CTNND2: variants seen among roughly 807,000 people sequenced by gnomAD.
CTNND2 encodes catenin delta 2.
Under a neutral mutation model 144.4 loss-of-function variants are expected in CTNND2, and 22 were observed. That is an observed-to-expected ratio of 0.15 (90% CI 0.11 to 0.22). The LOEUF is 0.22. Among genes scored for constraint, CTNND2 ranks in the 10% least tolerant of loss-of-function variants. CTNND2 has a pLI of 1.00. For missense variants in CTNND2, 1,353 were observed against 1,618.8 expected (o/e 0.84, Z 2.82); for synonymous variants, 751 against 695.6 (o/e 1.08, Z -1.25).
intron 14 of CTNND2, among the ~76,000 whole-genome samples, chr5:11,109,063 T>C (rs1230719591): frequency 7.2e-5 from 11 of 152,182 alleles, no homozygotes; most frequent in South Asian, 4.1e-4. Flanking sequence ...ACGCGCCTTC[T>C]TGGCAGATGA....
chr5:11,655,630 G>A (rs1782872320), intron 2 of CTNND2, among the ~76,000 whole-genome samples: 1 of 152,046 alleles, frequency 6.6e-6, no homozygotes, highest in Non-Finnish European at 1.5e-5. Flanking sequence ...TTCAGCTCAA[G>A]GTCATGTGTT....
intron 3 of CTNND2, among the ~76,000 whole-genome samples, chr5:11,470,235 A>G (rs1397117146): frequency 6.6e-6 from 1 of 152,164 alleles, no homozygotes; most frequent in Non-Finnish European, 1.5e-5. Flanking sequence ...CAGGAGTTCG[A>G]GACCAGGCTG....
chr5:11,018,865 C>T (rs1662495131), intron 17 of CTNND2, among the ~76,000 whole-genome samples: 1 of 152,086 alleles, frequency 6.6e-6, no homozygotes, highest in African/African-American at 2.4e-5. Flanking sequence ...CGTGTGCCAC[C>T]ATGCCCAGCT....
chr5:11,344,255 G>T (rs1055850537), intron 9 of CTNND2, among the ~76,000 whole-genome samples: 1 of 152,260 alleles, frequency 6.6e-6, no homozygotes, highest in East Asian at 1.9e-4. Context: ...AGCCGGGCGC[G>T]GTGGCGGGCG....
chr5:11,442,186 CAT>C (rs895533902), intron 3 of CTNND2, among the ~76,000 whole-genome samples: 1 of 152,128 alleles, frequency 6.6e-6, no homozygotes, highest in African/African-American at 2.4e-5. Flanking sequence ...TATCTGTTAA[CAT>C]ATATTTATTT....
chr5:11,476,119 C>T (rs141489893), intron 3 of CTNND2, among the ~76,000 whole-genome samples: 118 of 151,922 alleles, frequency 7.8e-4, no homozygotes, highest in African/African-American at 2.7e-3. Context: ...TATCCGCCCA[C>T]CTCGGCATCC....
chr5:11,498,917 G>GT (rs1022363396), intron 3 of CTNND2, among the ~76,000 whole-genome samples: 40 of 151,452 alleles, frequency 2.6e-4, no homozygotes, highest in South Asian at 2.5e-3. Context: ...CTGGATGTGT[G>GT]TTTTTTTTTA....
At chr5:11,822,420 G>A (rs61761577) in intron 1 of CTNND2, among the ~76,000 whole-genome samples, 2 of 152,238 alleles carry the variant, frequency 1.3e-5, no homozygotes, top group East Asian at 3.9e-4. Context: ...GAACTTTAAT[G>A]ACTCCAGCAA....
intron 2 of CTNND2, among the ~76,000 whole-genome samples, chr5:11,674,563 TG>T: frequency 6.6e-6 from 1 of 152,316 alleles, no homozygotes; most frequent in Admixed American, 6.5e-5. Flanking sequence ...GGTTCAGTCT[TG>T]GTATTGTGCA....
intron 2 of CTNND2, among the ~76,000 whole-genome samples, chr5:11,690,856 A>G (rs1264516414): frequency 2.0e-5 from 3 of 151,580 alleles, no homozygotes; most frequent in Admixed American, 6.6e-5. Flanking sequence ...ATACTGCTGC[A>G]TGCCCTTTGG....
At chr5:11,066,493 C>A (rs1375280260) in intron 16 of CTNND2, among the ~76,000 whole-genome samples, 1 of 150,056 alleles carries the variant, frequency 6.7e-6, no homozygotes. Context: ...TCCCCAACCA[C>A]CCCCTGCACT....
At chr5:11,278,497 A>T (rs2149991645) in intron 9 of CTNND2, among the ~76,000 whole-genome samples, 1 of 152,212 alleles carries the variant, frequency 6.6e-6, no homozygotes, top group African/African-American at 2.4e-5. Context: ...GCTAGAGGGG[A>T]CAAGCACAAA....
chr5:11,210,703 T>C (rs926698308), intron 10 of CTNND2, among the ~76,000 whole-genome samples: 6 of 152,234 alleles, frequency 3.9e-5, no homozygotes, highest in Non-Finnish European at 7.3e-5. Context: ...ATAGGTAACT[T>C]AATTATTTGA....
chr5:11,279,473 C>T (rs1746893739), intron 9 of CTNND2, among the ~76,000 whole-genome samples: 1 of 152,118 alleles, frequency 6.6e-6, no homozygotes, highest in African/African-American at 2.4e-5. Context: ...ACTTCAACAG[C>T]CTCCCAATTG....
intron 9 of CTNND2, among the ~76,000 whole-genome samples, chr5:11,300,150 C>T (rs765023012): frequency 7.9e-5 from 12 of 152,046 alleles, no homozygotes; most frequent in Admixed American, 5.9e-4. Context: ...TGTGGTTAAC[C>T]CTCAGATCCC....
chr5:11,778,881 T>C (rs1184009894), intron 1 of CTNND2, among the ~76,000 whole-genome samples: 1 of 152,266 alleles, frequency 6.6e-6, no homozygotes, highest in Non-Finnish European at 1.5e-5. Flanking sequence ...GGGAATTCTC[T>C]GTACCATCTT....
intron 16 of CTNND2, among the ~76,000 whole-genome samples, chr5:11,079,386 T>C (rs1749304087): frequency 6.6e-6 from 1 of 152,200 alleles, no homozygotes; most frequent in South Asian, 2.1e-4. Flanking sequence ...CTAGTGACCC[T>C]ACAGAAATGA....
At chr5:11,549,057 A>G (rs1182891104) in intron 3 of CTNND2, among the ~76,000 whole-genome samples, 1 of 152,162 alleles carries the variant, frequency 6.6e-6, no homozygotes, top group Non-Finnish European at 1.5e-5. Flanking sequence ...TTGAATTTTG[A>G]TCTTGCACTT....
intron 3 of CTNND2, among the ~76,000 whole-genome samples, chr5:11,545,212 C>T (rs781234053): frequency 6.7e-6 from 1 of 149,872 alleles, no homozygotes; most frequent in South Asian, 2.1e-4. Flanking sequence ...ATCCCAGCTA[C>T]TAGGAGGGCT....
Sources: allele counts gnomAD v4.1 joint callset (sites outside exome capture counted in the v4.1 genomes callset), GRCh38; gene constraint gnomAD v4.1.1; transcripts MANE v1.5; gene names NCBI Gene and HGNC (gene_info 2026-07-23, HGNC 2026-07-21).